Variants in RAPGEF1 observed in about 807,000 individuals in gnomAD.
The protein encoded by RAPGEF1 is Rap guanine nucleotide exchange factor 1.
In RAPGEF1, 33 loss-of-function variants were observed where a neutral mutation model predicts 143.3. That is an observed-to-expected ratio of 0.23 (90% CI 0.17 to 0.31). The LOEUF is 0.31. Ranked by LOEUF, RAPGEF1 falls within the 10% of genes least tolerant of loss-of-function variation. The pLI is 1.00. For missense variants in RAPGEF1, 1,199 were observed against 1,645.4 expected (o/e 0.73, Z 4.69); for synonymous variants, 629 against 676.5 (o/e 0.93, Z 1.09).
chr9:131,586,174 C>T (rs536343570), intron 22 of RAPGEF1, among the ~76,000 whole-genome samples: 7 of 151,514 alleles, frequency 4.6e-5, no homozygotes, highest in Admixed American at 2.0e-4. Context: ...CCAGCCTGGG[C>T]GGCAGAGCCA....
At chr9:131,587,459 G>A (rs1222694953) in intron 22 of RAPGEF1, among the ~76,000 whole-genome samples, 3 of 152,218 alleles carry the variant, frequency 2.0e-5, no homozygotes, top group Admixed American at 1.3e-4. Context: ...GCAAACTCAC[G>A]CCCTTCCCAA....
At chr9:131,647,737 A>T (rs4740298) in intron 3 of RAPGEF1, among the ~76,000 whole-genome samples, 131,642 of 152,210 alleles carry the variant, frequency 0.86, 57,132 homozygotes, top group African/African-American at 0.93. Flanking sequence ...CAGAACACAG[A>T]CATCCAACCC....
At chr9:131,585,565 C>T (rs1461858485) in intron 22 of RAPGEF1, among the ~76,000 whole-genome samples, 1 of 152,252 alleles carries the variant, frequency 6.6e-6, no homozygotes, top group African/African-American at 2.4e-5. Flanking sequence ...GGCTTGGGGC[C>T]TTGTGTGCAG....
intron 1 of RAPGEF1, among the ~76,000 whole-genome samples, chr9:131,695,425 G>A (rs2131059266): frequency 6.6e-6 from 1 of 152,292 alleles, no homozygotes; most frequent in East Asian, 1.9e-4. Context: ...AGGGCCTCTT[G>A]GCACAACCGA....
intron 5 of RAPGEF1, among the ~76,000 whole-genome samples, chr9:131,634,212 G>A (rs10901078): frequency 0.47 from 70,596 of 151,816 alleles, 18,441 homozygotes; most frequent in Non-Finnish European, 0.59. Flanking sequence ...AGATTGTGCC[G>A]TTGTTGCACT....
intron 12 of RAPGEF1, among the ~76,000 whole-genome samples, chr9:131,612,505 T>C (rs1228848667): frequency 2.0e-5 from 3 of 152,200 alleles, no homozygotes; most frequent in Non-Finnish European, 2.9e-5. Context: ...CTGTGACCAG[T>C]CCTGCTGCTG....
chr9:131,717,897 A>C (rs1835972211), intron 1 of RAPGEF1, among the ~76,000 whole-genome samples: 1 of 152,168 alleles, frequency 6.6e-6, no homozygotes, highest in Non-Finnish European at 1.5e-5. Context: ...CATCTGAACA[A>C]AGATGTGAGG....
intron 1 of RAPGEF1, among the ~76,000 whole-genome samples, chr9:131,729,703 C>T (rs370151876): frequency 9.9e-5 from 15 of 152,240 alleles, no homozygotes; most frequent in African/African-American, 3.6e-4. Context: ...TTCCCTCTTG[C>T]TGCCTCCCTT....
At chr9:131,698,149 A>T (rs1834333664) in intron 1 of RAPGEF1, among the ~76,000 whole-genome samples, 1 of 152,208 alleles carries the variant, frequency 6.6e-6, no homozygotes, top group African/African-American at 2.4e-5. Flanking sequence ...CCCGCACAGT[A>T]AACATGCAAG....
chr9:131,710,692 C>T (rs911541593), intron 1 of RAPGEF1, among the ~76,000 whole-genome samples: 5 of 152,096 alleles, frequency 3.3e-5, no homozygotes, highest in African/African-American at 1.2e-4. Flanking sequence ...AGTTCAAAAC[C>T]AGACTGGCCA....
In RAPGEF1 at chr9:131,698,025, G is replaced by A. The variant is rs1261583263; in HGVS notation, c.61+41745C>T. Among the ~76,000 whole-genome samples, 3 of 152,164 alleles carry A rather than the reference G, an allele frequency of 2.0e-5. No individual in the cohort carries two copies. In the East Asian group the frequency reaches 5.8e-4, roughly 29 times the overall value. ...GGAGAGTCAGCTGACCAAGGACAAG[G>A]GCAAAGACTGTCAAAGGGCACTGAG... On this transcript the variant is annotated intron_variant, in intron 1 of 26. Transcript: ENST00000683357.
chr9:131,580,115 G>T, intron 26 of RAPGEF1, 148 bp downstream of exon 26: 1 of 1,137,880 alleles, frequency 8.8e-7, no homozygotes, highest in Non-Finnish European at 1.2e-6. Flanking sequence ...CATCCTGGCA[G>T]AAACTGAAGG....
chr9:131,647,962 C>G (rs1970091860), intron 3 of RAPGEF1, among the ~76,000 whole-genome samples: 1 of 151,782 alleles, frequency 6.6e-6, no homozygotes, highest in Admixed American at 6.6e-5. Context: ...ATCTGCTTTG[C>G]CTTCCTATGG....
rs199749566 is a variant in RAPGEF1 at position 131,592,140 on chromosome 9, G to C, written c.2733C>G (p.Thr911=). ...YCEAFLTTYR[T]FISPEELIKK... ...TGATGAGCTCCTCTGGGGAGATGAA[G>C]GTCCTGTAGGTGGTCAGGAATGCCT... The change falls in exon 18 of 27, where the codon ACC becomes ACG. Residue 911 remains threonine, a synonymous_variant. Coordinates refer to ENST00000683357, the MANE Select transcript of RAPGEF1 (RefSeq NM_001377935.1). The C allele has an allele frequency of 1.6e-5, 25 of 1,612,808 alleles. No individual in the cohort carries two copies. The highest frequency in any genetic ancestry group is 2.0e-5 in the Non-Finnish European group (24 of 1,178,950).
At chr9:131,700,753 T>C (rs1834574386) in intron 1 of RAPGEF1, among the ~76,000 whole-genome samples, 1 of 152,140 alleles carries the variant, frequency 6.6e-6, no homozygotes, top group South Asian at 2.1e-4. Context: ...GAAGGAGGTC[T>C]CCATTTGCAT....
chr9:131,682,016 T>C (rs1410947929), intron 1 of RAPGEF1, among the ~76,000 whole-genome samples: 1 of 152,162 alleles, frequency 6.6e-6, no homozygotes, highest in Non-Finnish European at 1.5e-5. Flanking sequence ...CGCATTTAGT[T>C]GATTATCAAG....
At position 131,650,296 on chromosome 9, in the gene RAPGEF1, C is replaced by T. The variant is rs1051006273; in HGVS notation, c.202-54G>A. On this transcript the variant is annotated intron_variant, in intron 2 of 26. Coordinates refer to ENST00000683357, the MANE Select transcript of RAPGEF1 (RefSeq NM_001377935.1). The surrounding 1 kb of genome is among the most constrained non-coding windows in gnomAD (Gnocchi z 4.7). ...AGAGTTTGAAATGGCTGTTTGAGGC[C>T]GAAGGGAGGGGTTGATGAAAGTCAA... 4.9e-5 allele frequency: 68 copies of T among 1,387,596 alleles called. No homozygotes were observed. The highest frequency in any genetic ancestry group is 5.5e-5 in the Admixed American group (3 of 54,202). The allele number at this position is 1,387,596 out of a possible 1,614,324, so 86.0% of individuals were successfully genotyped here. A position where few individuals can be genotyped will look rare whatever the true frequency, so the allele number is the denominator to read the frequency against.
intron 3 of RAPGEF1, among the ~76,000 whole-genome samples, chr9:131,646,845 C>CTA (rs1969780859): frequency 6.6e-6 from 1 of 152,150 alleles, no homozygotes; most frequent in Non-Finnish European, 1.5e-5. Context: ...ACAGTGAGGC[C>CTA]TAGCAAGAAG....
At chr9:131,680,034 T>C (rs892835567) in intron 1 of RAPGEF1, among the ~76,000 whole-genome samples, 1 of 152,222 alleles carries the variant, frequency 6.6e-6, no homozygotes, top group Non-Finnish European at 1.5e-5. Flanking sequence ...CTAGCTCCTT[T>C]ACAACTATAA....
Sources: gnomAD v4.1 joint callset for allele counts (sites outside exome capture counted in the v4.1 genomes callset) on GRCh38, gnomAD v4.1.1 for gene constraint, Gnocchi (gnomAD v3.1) non-coding constraint, MANE v1.5 for transcripts, NCBI Gene and HGNC (gene_info 2026-07-23, HGNC 2026-07-21) for gene names.